The following CNTNAP2 variants were observed in gnomAD, a reference collection of about 807,000 sequenced individuals.
CNTNAP2 encodes the protein contactin associated protein 2.
CNTNAP2 carries 98 observed loss-of-function variants against 155.2 expected under a neutral mutation model. The observed-to-expected ratio is 0.63, with a 90% CI of 0.54 to 0.75. The LOEUF (loss-of-function observed/expected upper bound fraction) is 0.75. Ranked by LOEUF, CNTNAP2 falls within the 30% of genes least tolerant of loss-of-function variation. CNTNAP2 has a pLI of 0.00. For missense variants in CNTNAP2, 1,727 were observed against 1,688.1 expected (o/e 1.02, Z -0.40); for synonymous variants, 651 against 631.2 (o/e 1.03, Z -0.47).
intron 1 of CNTNAP2, among the ~76,000 whole-genome samples, chr7:146,596,400 G>A (rs575986953): frequency 4.0e-5 from 6 of 151,890 alleles, no homozygotes; most frequent in Non-Finnish European, 8.8e-5. Flanking sequence ...AGTAATAGGA[G>A]AAGAGGAAAT....
intron 4 of CNTNAP2, among the ~76,000 whole-genome samples, chr7:147,077,714 T>C (rs1800024118): frequency 6.6e-6 from 1 of 152,194 alleles, no homozygotes; most frequent in Non-Finnish European, 1.5e-5. Context: ...TTGGGCAAGT[T>C]ACTTAGCCTT....
intron 1 of CNTNAP2, among the ~76,000 whole-genome samples, chr7:146,359,515 G>T (rs1795051265): frequency 6.6e-6 from 1 of 152,188 alleles, no homozygotes; most frequent in Admixed American, 6.5e-5. Flanking sequence ...GGAAGCCCTT[G>T]TTCACTGACA....
intron 1 of CNTNAP2, among the ~76,000 whole-genome samples, chr7:146,470,886 A>C (rs1434422371): frequency 6.6e-6 from 1 of 151,742 alleles, no homozygotes; most frequent in Non-Finnish European, 1.5e-5. Context: ...ATTTTTTTTT[A>C]TCTGAATCCC....
intron 1 of CNTNAP2, among the ~76,000 whole-genome samples, chr7:146,588,760 G>A (rs115071788): frequency 0.019 from 2,916 of 152,116 alleles, 113 homozygotes; most frequent in African/African-American, 0.065. Context: ...CGGCCGGCCT[G>A]TGCCTCCCAA....
intron 12 of CNTNAP2, among the ~76,000 whole-genome samples, chr7:147,630,657 G>A (rs983618097): frequency 2.0e-5 from 3 of 152,018 alleles, no homozygotes; most frequent in African/African-American, 7.3e-5. Flanking sequence ...AGGGATGCAG[G>A]GATGATTTAA....
chr7:147,653,137 A>G (rs966014367), intron 13 of CNTNAP2, among the ~76,000 whole-genome samples: 1 of 152,250 alleles, frequency 6.6e-6, no homozygotes, highest in Non-Finnish European at 1.5e-5. Flanking sequence ...GGTATTTCAA[A>G]TAGAACATAT....
chr7:147,275,084 A>T (rs1804865886), intron 8 of CNTNAP2, among the ~76,000 whole-genome samples: 1 of 152,138 alleles, frequency 6.6e-6, no homozygotes, highest in African/African-American at 2.4e-5. Flanking sequence ...ATTTGAAATC[A>T]GATAATGTGA....
intron 8 of CNTNAP2, among the ~76,000 whole-genome samples, chr7:147,164,167 A>G (rs1802078274): frequency 6.6e-6 from 1 of 152,242 alleles, no homozygotes; most frequent in Admixed American, 6.5e-5. Context: ...TATTTTGGTA[A>G]GTTAAGAAAC....
chr7:146,780,353 T>A (rs1241386084), intron 2 of CNTNAP2, among the ~76,000 whole-genome samples: 1 of 147,146 alleles, frequency 6.8e-6, no homozygotes, highest in Admixed American at 6.8e-5. Context: ...GCCTGGCTAA[T>A]TTTTTTTTTG....
intron 1 of CNTNAP2, among the ~76,000 whole-genome samples, chr7:146,288,992 T>C (rs111414902): frequency 0.06 from 9,099 of 151,528 alleles, 929 homozygotes; most frequent in African/African-American, 0.21. Context: ...TTAGTAGAGA[T>C]GGGGTTTTAT....
At chr7:148,205,398 CA>C (rs1259952678) in intron 18 of CNTNAP2, among the ~76,000 whole-genome samples, 1 of 152,198 alleles carries the variant, frequency 6.6e-6, no homozygotes, top group Non-Finnish European at 1.5e-5. Context: ...AGCACAGAAG[CA>C]AACTGAGGCA....
intron 12 of CNTNAP2, among the ~76,000 whole-genome samples, chr7:147,621,228 G>A (rs1311680189): frequency 6.6e-6 from 1 of 152,072 alleles, no homozygotes; most frequent in East Asian, 1.9e-4. Context: ...TATGAGAAAT[G>A]CTAAAGGGAG....
At chr7:146,535,571 T>G (rs1797856156) in intron 1 of CNTNAP2, among the ~76,000 whole-genome samples, 1 of 150,124 alleles carries the variant, frequency 6.7e-6, no homozygotes, top group South Asian at 2.1e-4. Context: ...TTAAATTAAT[T>G]GTAATTGACA....
intron 1 of CNTNAP2, among the ~76,000 whole-genome samples, chr7:146,765,123 G>A (rs1000493524): frequency 2.0e-5 from 3 of 152,030 alleles, no homozygotes; most frequent in Non-Finnish European, 4.4e-5. Context: ...AAAAGTAGAT[G>A]TAAAAGAGCT....
chr7:147,603,760 C>A (rs892484750), intron 12 of CNTNAP2, among the ~76,000 whole-genome samples: 1 of 152,112 alleles, frequency 6.6e-6, no homozygotes, highest in African/African-American at 2.4e-5. Flanking sequence ...GCCCACATCA[C>A]CAAGTCAATC....
Position 146,407,032 on chromosome 7 carries a change from C to T in CNTNAP2, c.97+290059C>T, listed in dbSNP as rs187727232. ...GATGAGAGTTTTGATCAATAGCATG[C>T]CTGTATTGGGTGCTAAAATAGTGCC... On this transcript the variant is annotated intron_variant, in intron 1 of 23. Coordinates refer to ENST00000361727, the MANE Select transcript of CNTNAP2 (RefSeq NM_014141.6). 1.8e-3 allele frequency among the ~76,000 whole-genome samples: 278 copies of T among 152,202 alleles called. 1 individual carries two copies. The highest frequency in any genetic ancestry group is 6.6e-3 in the African/African-American group (273 of 41,506).
intron 8 of CNTNAP2, among the ~76,000 whole-genome samples, chr7:147,197,968 C>G (rs529010484): frequency 6.6e-6 from 1 of 152,220 alleles, no homozygotes; most frequent in Non-Finnish European, 1.5e-5. Flanking sequence ...ACTTCAGAAA[C>G]TTGGTAATAT....
At chr7:147,841,686 C>G (rs28587824) in intron 13 of CNTNAP2, among the ~76,000 whole-genome samples, 1 of 152,116 alleles carries the variant, frequency 6.6e-6, no homozygotes, top group Non-Finnish European at 1.5e-5. Flanking sequence ...TTGAACAAGT[C>G]CCAAGTGGGA....
chr7:148,285,241 G>A, intron 21 of CNTNAP2, among the ~76,000 whole-genome samples: 1 of 152,180 alleles, frequency 6.6e-6, no homozygotes, highest in East Asian at 1.9e-4. Flanking sequence ...AAATGTAGCT[G>A]TTAAAAAACA....
Sources: gnomAD v4.1 joint callset for allele counts (sites outside exome capture counted in the v4.1 genomes callset) on GRCh38, gnomAD v4.1.1 for gene constraint, MANE v1.5 for transcripts, NCBI Gene and HGNC (gene_info 2026-07-23, HGNC 2026-07-21) for gene names.